Variants in NDUFA10 observed in about 807,000 individuals in gnomAD.
The protein encoded by NDUFA10 is NADH:ubiquinone oxidoreductase subunit A10, also known as NADH dehydrogenase [ubiquinone] 1 alpha subcomplex subunit 10, mitochondrial.
In NDUFA10, 40 loss-of-function variants were observed where a neutral mutation model predicts 47.8. That is an observed-to-expected ratio of 0.84 (90% CI 0.65 to 1.09). The LOEUF is 1.09. Ranked by LOEUF, NDUFA10 falls within the 50% of genes least tolerant of loss-of-function variation. The probability of loss-of-function intolerance (pLI) is 0.00; values close to 1 mark genes in which losing one functional copy is unlikely to be tolerated. For missense variants in NDUFA10, 413 were observed against 451.1 expected (o/e 0.92, Z 0.76); for synonymous variants, 183 against 172.2 (o/e 1.06, Z -0.49).
intron 3 of NDUFA10, among the ~76,000 whole-genome samples, chr2:240,020,403 C>T (rs143499236): frequency 1.2e-3 from 179 of 152,334 alleles, no homozygotes; most frequent in Admixed American, 4.0e-3. Flanking sequence ...TGAGGACCGC[C>T]GTGGCATGGT....
intron 4 of NDUFA10, among the ~76,000 whole-genome samples, chr2:239,929,146 G>A (rs1694114397): frequency 6.6e-6 from 1 of 152,220 alleles, no homozygotes; most frequent in South Asian, 2.1e-4. Context: ...CGTCTCCAAA[G>A]CCGGGATGCA....
chr2:239,971,150 G>A (rs1172921336), intron 9 of NDUFA10, among the ~76,000 whole-genome samples: 1 of 152,236 alleles, frequency 6.6e-6, no homozygotes, highest in Non-Finnish European at 1.5e-5. Flanking sequence ...ATGCTACTTT[G>A]TAAGAAGAAA....
downstream of NDUFA10, among the ~76,000 whole-genome samples, chr2:239,953,820 A>G (rs1171200699): frequency 6.6e-6 from 1 of 152,214 alleles, no homozygotes; most frequent in Non-Finnish European, 1.5e-5. Context: ...CTCCTTCAGG[A>G]ACTGCAAACT....
At chr2:239,924,579 C>CA (rs796534738) in intron 4 of NDUFA10, among the ~76,000 whole-genome samples, 2 of 151,040 alleles carry the variant, frequency 1.3e-5, no homozygotes, top group Non-Finnish European at 1.5e-5. Context: ...GAACATTTAC[C>CA]AAAAAAAAGA....
chr2:239,916,200 A>C (rs1261840511), intron 4 of NDUFA10, among the ~76,000 whole-genome samples: 1 of 151,854 alleles, frequency 6.6e-6, no homozygotes, highest in Non-Finnish European at 1.5e-5. Flanking sequence ...CAGAACACAC[A>C]CATACATACA....
At chr2:239,950,309 G>GGGA (rs1167320875) in intron 4 of NDUFA10, among the ~76,000 whole-genome samples, 3 of 152,172 alleles carry the variant, frequency 2.0e-5, no homozygotes, top group African/African-American at 4.8e-5. Context: ...AGGCCCCCGA[G>GGGA]TCCTTGAGCG....
rs943220036 is a variant in NDUFA10 at position 239,945,152 on chromosome 2, A to G, written c.294+44922T>C. On this transcript the variant is annotated intron_variant, in intron 4 of 5. Transcript: ENST00000419408. This position sits in a 1 kb window ranked among gnomAD's most constrained non-coding sequence, Gnocchi z 4.6. Reference sequence around the variant, plus strand: ...CGTGTACAGCCATCAGAGCCCCGGCACCCCTCCCGCAGGAGGGCCTGACTG... The same window carrying G: ...CGTGTACAGCCATCAGAGCCCCGGCGCCCCTCCCGCAGGAGGGCCTGACTG... Among the ~76,000 whole-genome samples the G allele has an allele frequency of 6.6e-6, 1 of 151,660 alleles. No individual in the cohort carries two copies. The highest frequency in any genetic ancestry group is 6.6e-5 in the Admixed American group (1 of 15,254).
intron 8 of NDUFA10, among the ~76,000 whole-genome samples, chr2:239,991,007 G>A (rs556504184): frequency 5.9e-5 from 9 of 152,220 alleles, no homozygotes; most frequent in African/African-American, 2.2e-4. Context: ...TATAAAAGCA[G>A]GAGACGTTTC....
intron 9 of NDUFA10, among the ~76,000 whole-genome samples, chr2:239,981,917 T>A (rs1372235867): frequency 6.6e-6 from 1 of 151,432 alleles, no homozygotes; most frequent in Non-Finnish European, 1.5e-5. Context: ...AAAAAAAGTC[T>A]CCCAGAAAGC....
chr2:240,024,547 TTAC>T (rs1442632720), intron 1 of NDUFA10, among the ~76,000 whole-genome samples: 1 of 152,184 alleles, frequency 6.6e-6, no homozygotes, highest in Non-Finnish European at 1.5e-5. Context: ...AGACATGCTA[TTAC>T]ACACGTGTCA....
At chr2:239,931,715 T>C (rs892204778) in intron 4 of NDUFA10, among the ~76,000 whole-genome samples, 44 of 152,170 alleles carry the variant, frequency 2.9e-4, no homozygotes, top group Admixed American at 1.3e-4. Context: ...GCCCCCAAGC[T>C]GTAACGTCCT....
chr2:239,899,018 A>C (rs112239402), intron 4 of NDUFA10, among the ~76,000 whole-genome samples: 1 of 53,296 alleles, frequency 1.9e-5, no homozygotes, highest in African/African-American at 6.4e-5. Context: ...GATGGAGGGG[A>C]GTCATGGAGG....
intron 4 of NDUFA10, among the ~76,000 whole-genome samples, chr2:239,920,012 G>A (rs1404378210): frequency 1.3e-5 from 2 of 152,198 alleles, no homozygotes; most frequent in African/African-American, 2.4e-5. Context: ...CTGTGAGATT[G>A]GGGGCCCCCT....
intron 4 of NDUFA10, among the ~76,000 whole-genome samples, chr2:239,915,283 TACAGACACAG>T (rs1693839527): frequency 7.3e-6 from 1 of 137,194 alleles, no homozygotes; most frequent in African/African-American, 2.8e-5. Flanking sequence ...CACACAAATA[TACAGACACAG>T]ACAGAGAGAC....
chr2:239,926,746 G>A (rs13382285), intron 4 of NDUFA10, among the ~76,000 whole-genome samples: 94,857 of 152,006 alleles, frequency 0.62, 29,727 homozygotes, highest in African/African-American at 0.68. Flanking sequence ...CAGTGGGACA[G>A]GAGGTGGAGG....
chr2:239,959,150 C>T lies in NDUFA10; in HGVS notation c.*1968G>A, dbSNP rs961599813. The T allele has an allele frequency of 1.0e-6, 1 of 985,290 alleles. No individual in the cohort carries two copies. Among genetic ancestry groups the T allele is most frequent in the Admixed American group, 6.1e-5 (1 of 16,262 alleles). 61.0% of individuals were successfully genotyped at this position (985,290 alleles called of 1,614,324 possible). ...CGAATGTCCTCAGCACTACAAATTA[C>T]ATACTTCCCACTCCATCAAGGGAAT... is the stretch of plus-strand genomic sequence containing the variant. On this transcript the variant is annotated 3_prime_UTR_variant, in exon 10 of 10. Coordinates refer to ENST00000252711, the MANE Select transcript of NDUFA10 (RefSeq NM_004544.4).
At chr2:239,918,969 T>C (rs1693922552) in intron 4 of NDUFA10, among the ~76,000 whole-genome samples, 1 of 152,154 alleles carries the variant, frequency 6.6e-6, no homozygotes, top group Non-Finnish European at 1.5e-5. Context: ...GGGAGGCCAA[T>C]GGCAGGGACA....
chr2:239,933,744 C>A (rs527954260), intron 4 of NDUFA10, among the ~76,000 whole-genome samples: 1 of 151,994 alleles, frequency 6.6e-6, no homozygotes, highest in African/African-American at 2.4e-5. Flanking sequence ...GGGCCCTGTA[C>A]GGAACGAAGT....
intron 4 of NDUFA10, among the ~76,000 whole-genome samples, chr2:239,918,676 C>G (rs1403404559): frequency 6.6e-6 from 1 of 152,248 alleles, no homozygotes; most frequent in Non-Finnish European, 1.5e-5. Flanking sequence ...CTCTCCTCCA[C>G]TTTATTCCCA....
Sources: allele counts gnomAD v4.1 joint callset (sites outside exome capture counted in the v4.1 genomes callset), GRCh38; gene constraint gnomAD v4.1.1; non-coding constraint Gnocchi (gnomAD v3.1); transcripts MANE v1.5; gene names NCBI Gene and HGNC (gene_info 2026-07-23, HGNC 2026-07-21).